C6: variants seen among roughly 807,000 people sequenced by gnomAD.
The protein encoded by C6 is complement component C6.
A neutral mutation model predicts 112.9 loss-of-function variants in C6; 101 were observed. That is an observed-to-expected ratio of 0.89 (90% CI 0.76 to 1.06). The LOEUF (loss-of-function observed/expected upper bound fraction) is 1.06. Ranked by LOEUF, C6 falls within the 50% of genes least tolerant of loss-of-function variation. The pLI is 0.00. For missense variants in C6, 1,202 were observed against 1,104.6 expected (o/e 1.09, Z -1.25); for synonymous variants, 431 against 384.1 (o/e 1.12, Z -1.43).
intron 9 of C6, among the ~76,000 whole-genome samples, chr5:41,163,947 A>G (rs1747759700): frequency 6.6e-6 from 1 of 152,158 alleles, no homozygotes; most frequent in Non-Finnish European, 1.5e-5. Flanking sequence ...GCAAATTGTC[A>G]TCAATAATTT....
At chr5:41,211,353 G>C (rs146005004) in intron 1 of C6, among the ~76,000 whole-genome samples, 1 of 151,690 alleles carries the variant, frequency 6.6e-6, no homozygotes, top group Admixed American at 6.6e-5. Context: ...AAACCTTCAC[G>C]TTGTGCACAT....
intron 1 of C6, among the ~76,000 whole-genome samples, chr5:41,206,229 T>A (rs1007331783): frequency 2.0e-5 from 3 of 152,104 alleles, no homozygotes; most frequent in Non-Finnish European, 4.4e-5. Flanking sequence ...GTCACCATCA[T>A]CAAAGACCAA....
At chr5:41,151,460 G>T (rs911673521) in intron 15 of C6, among the ~76,000 whole-genome samples, 2 of 152,110 alleles carry the variant, frequency 1.3e-5, no homozygotes, top group Non-Finnish European at 2.9e-5. Context: ...AGGAAGGAAG[G>T]GTGATGAATT....
rs772928586 is a variant in C6 at position 41,181,495 on chromosome 5, T to C, written c.791A>G (p.Asn264Ser). The change falls in exon 7 of 18, where the codon AAT becomes AGT. Residue 264 changes from asparagine to serine, a missense_variant. Transcript: ENST00000337836. ...TGAGAATGAGCCTTGTTGATTTTCA[T>C]TGTGTCCAAGAGAAGTTAAATCCTT... Reference protein sequence around the residue: ...FYKDLTSLGHNENQQGSFSSQ... With the variant: ...FYKDLTSLGHSENQQGSFSSQ... 32 of 1,613,806 alleles carry C rather than the reference T, an allele frequency of 2.0e-5. No homozygotes were observed. Among genetic ancestry groups the C allele is most frequent in the Non-Finnish European group, 2.4e-5 (28 of 1,179,830 alleles).
intron 1 of C6, among the ~76,000 whole-genome samples, chr5:41,248,930 A>G (rs1360411820): frequency 2.0e-5 from 3 of 152,190 alleles, no homozygotes; most frequent in Non-Finnish European, 4.4e-5. Context: ...GGTGGTCATC[A>G]ATGGTGGATT....
intron 1 of C6, among the ~76,000 whole-genome samples, chr5:41,238,349 C>A (rs2921179): frequency 6.6e-6 from 1 of 150,486 alleles, no homozygotes; most frequent in East Asian, 2.0e-4. Flanking sequence ...CTACAGTAAC[C>A]AAAACAGCAT....
chr5:41,205,015 C>T lies in C6; in HGVS notation c.-20-1765G>A, dbSNP rs192033622. Among the ~76,000 whole-genome samples the T allele has an allele frequency of 9.5e-4, 145 of 152,182 alleles. 1 individual carries two copies. Among genetic ancestry groups the T allele is most frequent in the Middle Eastern group, 3.4e-3 (1 of 294 alleles). On this transcript the variant is annotated intron_variant, in intron 1 of 17. Transcript: ENST00000337836. ...GAATAAAAGTAACCAAATCCATTGA[C>T]GTATGGCTGAATATGTCTTTCAATT...
chr5:41,213,844 T>C (rs983545851), upstream of C6, among the ~76,000 whole-genome samples: 6 of 152,260 alleles, frequency 3.9e-5, no homozygotes, highest in Admixed American at 6.5e-5. Context: ...TTGGAGACAA[T>C]GTGATTGTGT....
chr5:41,195,930 C>G lies in C6; in HGVS notation c.449G>C (p.Arg150Pro). The change falls in exon 5 of 18, where the codon CGC (arginine) becomes CCC (proline). Residue 150 changes from arginine to proline, a missense_variant. Physicochemically the swap from Arg to Pro is moderately radical, Grantham distance 103. Coordinates refer to ENST00000337836, the MANE Select transcript of C6 (RefSeq NM_000065.5). ...CKNKFRCDSG[R>P]CIARKLECNG... ...GCATTCTAACTTTCTGGCAATGCAG[C>G]GGCCTAGTCAAGAAAAGCAAACAAA... 1.2e-6 allele frequency: 2 copies of G among 1,613,654 alleles called. No homozygotes were observed. Among genetic ancestry groups the G allele is most frequent in the South Asian group, 2.2e-5 (2 of 91,078 alleles).
intron 1 of C6, among the ~76,000 whole-genome samples, chr5:41,253,878 C>G (rs374936725): frequency 6.6e-6 from 1 of 152,122 alleles, no homozygotes; most frequent in African/African-American, 2.4e-5. Context: ...TTGTATGCAA[C>G]AGTGAAAAAA....
At position 41,149,356 on chromosome 5, in the gene C6, G is replaced by GTT; in HGVS notation, c.2507_2508insAA (p.Cys837ThrfsTer8). 1 of 1,614,072 alleles carries GTT rather than the reference G, an allele frequency of 6.2e-7. No homozygotes were observed. On this transcript the variant is annotated frameshift_variant, in exon 17 of 18. Coordinates refer to ENST00000337836, the MANE Select transcript of C6 (RefSeq NM_000065.5). LOFTEE classifies it high-confidence loss of function. ...ATTCTAACTGGCGGCCGTCTTGGCAGGAACCAATATGTAGAAAATGGAGTT... is the reference window on the plus strand; with the variant it reads ...ATTCTAACTGGCGGCCGTCTTGGCAGTTGAACCAATATGTAGAAAATGGAGTT...
At chr5:41,211,069 G>A (rs1429405796) in intron 1 of C6, among the ~76,000 whole-genome samples, 1 of 152,168 alleles carries the variant, frequency 6.6e-6, no homozygotes, top group East Asian at 1.9e-4. Flanking sequence ...AAAAAATGAT[G>A]AGTTCATATC....
intron 1 of C6, among the ~76,000 whole-genome samples, chr5:41,235,241 CA>C (rs1164862466): frequency 1.7e-5 from 2 of 116,806 alleles, no homozygotes; most frequent in African/African-American, 6.6e-5. Flanking sequence ...CCGACCCCAC[CA>C]CAGTCCCCAG....
At chr5:41,230,176 A>G (rs1047045814) in intron 1 of C6, among the ~76,000 whole-genome samples, 1 of 152,144 alleles carries the variant, frequency 6.6e-6, no homozygotes, top group Non-Finnish European at 1.5e-5. Flanking sequence ...TAAAACATAT[A>G]TGTTTGAACA....
At chr5:41,260,455 C>T (rs939928038) in intron 1 of C6, among the ~76,000 whole-genome samples, 64 of 149,652 alleles carry the variant, frequency 4.3e-4, no homozygotes, top group African/African-American at 1.5e-3. Context: ...TAAACCCCCC[C>T]CCAAAACAAA....
At chr5:41,203,380 T>C (rs1751185881) in intron 1 of C6, 130 bp from the exon 2 acceptor site, 1 of 829,796 alleles carries the variant, frequency 1.2e-6, no homozygotes, top group Non-Finnish European at 1.9e-6. Flanking sequence ...TTAAGGCAAG[T>C]CAACACCTAC....
chr5:41,185,947 A>C, intron 6 of C6, 123 bp downstream of exon 6: 1 of 1,157,210 alleles, frequency 8.6e-7, no homozygotes. Flanking sequence ...AACACATAAC[A>C]CGTGATTAAA....
intron 16 of C6, 90 bp from the exon 17 acceptor site, chr5:41,149,572 C>T: frequency 6.4e-7 from 1 of 1,556,302 alleles, no homozygotes; most frequent in Non-Finnish European, 8.8e-7. Flanking sequence ...ACTCACCAAC[C>T]AGTTTTCTTT....
At chr5:41,208,186 T>C (rs374289721) in intron 1 of C6, among the ~76,000 whole-genome samples, 4 of 151,982 alleles carry the variant, frequency 2.6e-5, no homozygotes, top group African/African-American at 9.7e-5. Flanking sequence ...AACAAAGACA[T>C]AACATACCAG....
Sources: allele counts gnomAD v4.1 joint callset (sites outside exome capture counted in the v4.1 genomes callset), GRCh38; gene constraint gnomAD v4.1.1; transcripts MANE v1.5; gene names NCBI Gene and HGNC (gene_info 2026-07-23, HGNC 2026-07-21).